SLC10A7: variants seen among roughly 807,000 people sequenced by gnomAD.
The protein encoded by SLC10A7 is solute carrier family 10 member 7.
In SLC10A7, 29 loss-of-function variants were observed where a neutral mutation model predicts 43.2. The observed-to-expected ratio is 0.67, with a 90% CI of 0.50 to 0.92. SLC10A7 has a LOEUF of 0.92. SLC10A7 is among the 40% of genes least tolerant of loss of function. The pLI, the probability that SLC10A7 is intolerant of heterozygous loss-of-function variation, is 0.00. For missense variants in SLC10A7, 295 were observed against 403.2 expected, an observed-to-expected ratio of 0.73 and a Z score of 2.30; for synonymous variants, 152 against 144.8, an observed-to-expected ratio of 1.05 and a Z score of -0.35.
chr4:146,370,033 A>T (rs1437173237), intron 5 of SLC10A7, among the ~76,000 whole-genome samples: 1 of 152,190 alleles, frequency 6.6e-6, no homozygotes, highest in Non-Finnish European at 1.5e-5. Flanking sequence ...ATAAACAAAA[A>T]TCACAGAAGC....
intron 5 of SLC10A7, among the ~76,000 whole-genome samples, chr4:146,358,604 T>C (rs1159727134): frequency 2.6e-5 from 4 of 152,158 alleles, no homozygotes; most frequent in African/African-American, 7.2e-5. Context: ...TTCATATACA[T>C]GAAATCATGC....
intron 5 of SLC10A7, among the ~76,000 whole-genome samples, chr4:146,334,039 G>T (rs980238864): frequency 1.3e-5 from 2 of 152,116 alleles, no homozygotes; most frequent in East Asian, 3.9e-4. Context: ...TGTCAAAACA[G>T]AAGGAAGAAC....
chr4:146,484,276 C>T (rs1734734355), intron 4 of SLC10A7, among the ~76,000 whole-genome samples: 2 of 152,092 alleles, frequency 1.3e-5, no homozygotes, highest in Non-Finnish European at 2.9e-5. Context: ...ACTACTTGAG[C>T]CCAGGATCTC....
chr4:146,424,105 G>A (rs1213831183), intron 5 of SLC10A7, among the ~76,000 whole-genome samples: 1 of 152,236 alleles, frequency 6.6e-6, no homozygotes, highest in African/African-American at 2.4e-5. Flanking sequence ...AGGCTGGAGT[G>A]TAGTGGCAGA....
At chr4:146,261,886 G>A (rs558661868) in intron 10 of SLC10A7, among the ~76,000 whole-genome samples, 86 of 152,136 alleles carry the variant, frequency 5.7e-4, no homozygotes, top group Non-Finnish European at 1.0e-3. Flanking sequence ...CACTCGCCAG[G>A]GGGAGGCCCA....
At chr4:146,399,548 G>A (rs1240664845) in intron 5 of SLC10A7, among the ~76,000 whole-genome samples, 1 of 152,178 alleles carries the variant, frequency 6.6e-6, no homozygotes, top group Non-Finnish European at 1.5e-5. Flanking sequence ...TACAGCACAA[G>A]AGGCAAAATG....
chr4:146,326,017 G>A, intron 5 of SLC10A7, 21 bp from the exon 6 acceptor site: 1 of 1,607,742 alleles, frequency 6.2e-7, no homozygotes, highest in Non-Finnish European at 8.5e-7. Flanking sequence ...TAAAAGAGAG[G>A]ATGATCATTT....
chr4:146,330,025 G>A lies in SLC10A7; in HGVS notation c.436-4029C>T, dbSNP rs1480515886. 3.3e-5 allele frequency among the ~76,000 whole-genome samples: 5 copies of A among 152,274 alleles called. No individual in the cohort carries two copies. In the East Asian group the frequency reaches 9.7e-4, roughly 29 times the overall value. On this transcript the variant is annotated intron_variant, in intron 5 of 11. Coordinates refer to ENST00000335472, the MANE Select transcript of SLC10A7 (RefSeq NM_001029998.6). ...TTAGCATCCTTGCAATTGGGATGGT[G>A]TATAAAGCTTTCTGATTGCAACACC...
intron 5 of SLC10A7, among the ~76,000 whole-genome samples, chr4:146,380,820 T>C (rs1166667491): frequency 6.6e-6 from 1 of 152,134 alleles, no homozygotes; most frequent in African/African-American, 2.4e-5. Flanking sequence ...TAAAGTAATC[T>C]CTATACTTAC....
At chr4:146,282,238 G>A (rs1729599604) in intron 10 of SLC10A7, among the ~76,000 whole-genome samples, 1 of 151,990 alleles carries the variant, frequency 6.6e-6, no homozygotes, top group Admixed American at 6.6e-5. Context: ...TGCTCCTAAG[G>A]GTTTGTCCAA....
At chr4:146,348,879 C>T (rs908104833) in intron 5 of SLC10A7, among the ~76,000 whole-genome samples, 5 of 151,958 alleles carry the variant, frequency 3.3e-5, no homozygotes, top group Non-Finnish European at 7.4e-5. Flanking sequence ...GGTTAGATCC[C>T]GTGCCATATT....
rs544744824 is a variant in SLC10A7 at position 146,479,764 on chromosome 4, A to G, written c.396+24085T>C. Among the ~76,000 whole-genome samples the G allele has an allele frequency of 3.9e-5, 6 of 152,322 alleles. No individual in the cohort carries two copies. In the South Asian group the frequency reaches 1.0e-3, roughly 26 times the overall value. On this transcript the variant is annotated intron_variant, in intron 4 of 11. Transcript: ENST00000335472. ...CTGTATACTTAAAAATTATTTTACCACAATTCAAAAAAATTGTTAGAAAAA... is the reference window on the plus strand; with the variant it reads ...CTGTATACTTAAAAATTATTTTACCGCAATTCAAAAAAATTGTTAGAAAAA...
chr4:146,303,519 C>T (rs1385045713), intron 7 of SLC10A7, among the ~76,000 whole-genome samples: 6 of 151,690 alleles, frequency 4.0e-5, no homozygotes, highest in South Asian at 2.1e-4. Context: ...CTGGGACCAC[C>T]GGCACCCACC....
At chr4:146,475,623 G>T (rs371938992) in intron 4 of SLC10A7, among the ~76,000 whole-genome samples, 1 of 152,030 alleles carries the variant, frequency 6.6e-6, no homozygotes, top group African/African-American at 2.4e-5. Flanking sequence ...CAACTTAAGC[G>T]TCAAAGACCA....
intron 4 of SLC10A7, among the ~76,000 whole-genome samples, chr4:146,487,800 C>T (rs966658118): frequency 6.6e-6 from 1 of 152,122 alleles, no homozygotes; most frequent in African/African-American, 2.4e-5. Flanking sequence ...AATCTCATCT[C>T]TTTGGGAGGC....
chr4:146,345,065 C>T (rs1248982314), intron 5 of SLC10A7, among the ~76,000 whole-genome samples: 1 of 152,128 alleles, frequency 6.6e-6, no homozygotes, highest in Admixed American at 6.6e-5. Flanking sequence ...TCTGAAACTT[C>T]TATCTGAATG....
chr4:146,519,260 TATA>T (rs1738383945), intron 1 of SLC10A7, among the ~76,000 whole-genome samples: 1 of 142,978 alleles, frequency 7.0e-6, no homozygotes, highest in African/African-American at 2.5e-5. Flanking sequence ...TTTTATATAA[TATA>T]TAACATATTA....
intron 5 of SLC10A7, chr4:146,441,556 C>T (rs1325594252): frequency 5.0e-6 from 3 of 597,540 alleles, no homozygotes; most frequent in East Asian, 1.4e-4. Context: ...TCATGTTTTA[C>T]AGATATTATT....
At chr4:146,325,839 GAAC>G (rs1226897883) in intron 6 of SLC10A7, 119 bp downstream of exon 6, 42 of 875,848 alleles carry the variant, frequency 4.8e-5, no homozygotes, top group Middle Eastern at 3.4e-4. Flanking sequence ...AGCTAAACTG[GAAC>G]AACAATTCCA....
Sources: gnomAD v4.1 joint callset for allele counts (sites outside exome capture counted in the v4.1 genomes callset) on GRCh38, gnomAD v4.1.1 for gene constraint, MANE v1.5 for transcripts, NCBI Gene and HGNC (gene_info 2026-07-23, HGNC 2026-07-21) for gene names.